The following TEAD1 variants were observed in gnomAD, a reference collection of about 807,000 sequenced individuals.
TEAD1 encodes TEA domain transcription factor 1, also known as transcriptional enhancer factor TEF-1.
A neutral mutation model predicts 54.9 loss-of-function variants in TEAD1; 9 were observed. The observed-to-expected ratio is 0.16, with a 90% CI of 0.10 to 0.29. TEAD1 has a LOEUF of 0.29. Ranked by LOEUF, TEAD1 falls within the 10% of genes least tolerant of loss-of-function variation. The probability of loss-of-function intolerance (pLI) is 1.00; values close to 1 mark genes in which losing one functional copy is unlikely to be tolerated. For missense variants in TEAD1, 387 were observed against 535.9 expected (o/e 0.72, Z 2.74); for synonymous variants, 200 against 187.8 (o/e 1.07, Z -0.53).
chr11:12,899,670 T>C (rs1175435931), intron 9 of TEAD1, among the ~76,000 whole-genome samples: 2 of 152,212 alleles, frequency 1.3e-5, no homozygotes, highest in African/African-American at 2.4e-5. Flanking sequence ...CCCTGTTGTT[T>C]TATAGTATCT....
intron 2 of TEAD1, among the ~76,000 whole-genome samples, chr11:12,721,338 C>T (rs116868666): frequency 6.6e-6 from 1 of 152,052 alleles, no homozygotes; most frequent in African/African-American, 2.4e-5. Flanking sequence ...CTGGCTCTTG[C>T]GAGTGCCTAC....
At position 12,773,864 on chromosome 11, in the gene TEAD1, C is replaced by T. The variant is rs528276773; in HGVS notation, c.202+9430C>T. Among the ~76,000 whole-genome samples, 72 of 152,258 alleles carry T rather than the reference C, an allele frequency of 4.7e-4. 1 individual carries two copies. In the Middle Eastern group the frequency reaches 0.014, roughly 29 times the overall value. On this transcript the variant is annotated intron_variant, in intron 3 of 12. Coordinates refer to ENST00000527636, the MANE Select transcript of TEAD1 (RefSeq NM_021961.6). The stretch of plus-strand genomic sequence containing the variant: ...GGTGTTGAGTCTGAGAACTCATTGC[C>T]TAGCCCTAGGTCCTGAAAATTTTCT...
chr11:12,790,038 C>G (rs1021129215), intron 3 of TEAD1, among the ~76,000 whole-genome samples: 1 of 152,276 alleles, frequency 6.6e-6, no homozygotes, highest in African/African-American at 2.4e-5. Context: ...ATGTATGCTA[C>G]AGGTTTCAGC....
chr11:12,803,882 A>G (rs1946116059), intron 3 of TEAD1, among the ~76,000 whole-genome samples: 1 of 152,204 alleles, frequency 6.6e-6, no homozygotes, highest in Admixed American at 6.5e-5. Context: ...GGTTTATAGG[A>G]CGCCAACACT....
intron 2 of TEAD1, among the ~76,000 whole-genome samples, chr11:12,691,775 A>G (rs947840066): frequency 6.6e-6 from 1 of 152,198 alleles, no homozygotes; most frequent in Admixed American, 6.5e-5. Context: ...TAACCAGGAC[A>G]TGAGAGATTC....
chr11:12,750,483 T>C (rs946338661), intron 2 of TEAD1, among the ~76,000 whole-genome samples: 1 of 152,230 alleles, frequency 6.6e-6, no homozygotes, highest in Admixed American at 6.5e-5. Flanking sequence ...GAAAATACTT[T>C]TGATTTAAAA....
At chr11:12,805,008 A>C (rs1055837397) in intron 3 of TEAD1, among the ~76,000 whole-genome samples, 6 of 152,174 alleles carry the variant, frequency 3.9e-5, no homozygotes, top group Non-Finnish European at 8.8e-5. Context: ...ATAATCTTAA[A>C]AGGCAGTCAC....
intron 3 of TEAD1, among the ~76,000 whole-genome samples, chr11:12,804,288 G>A (rs1946122974): frequency 6.6e-6 from 1 of 152,160 alleles, no homozygotes; most frequent in African/African-American, 2.4e-5. Flanking sequence ...CCCTTAATAT[G>A]GGCAGAGAAG....
intron 9 of TEAD1, among the ~76,000 whole-genome samples, chr11:12,891,334 G>A (rs1484052851): frequency 1.3e-5 from 2 of 152,254 alleles, no homozygotes; most frequent in Non-Finnish European, 2.9e-5. Context: ...GGAACACGAT[G>A]GCTGCATCAG....
chr11:12,743,238 A>C (rs1053863628), intron 2 of TEAD1, among the ~76,000 whole-genome samples: 1 of 152,230 alleles, frequency 6.6e-6, no homozygotes, highest in Non-Finnish European at 1.5e-5. Flanking sequence ...CATACTTCTA[A>C]ATTCAAAGCA....
chr11:12,816,705 C>T lies in TEAD1; in HGVS notation c.203-45545C>T, dbSNP rs1281524733. Reference sequence around the variant, plus strand: ...CAGAGTGAGAGGGATAATTTACACCCTGTGGCTATTTATTTAGCACATCTT... The same window carrying T: ...CAGAGTGAGAGGGATAATTTACACCTTGTGGCTATTTATTTAGCACATCTT... On this transcript the variant is annotated intron_variant, in intron 3 of 12. Transcript: ENST00000527636. Among the ~76,000 whole-genome samples the T allele has an allele frequency of 4.6e-5, 7 of 152,172 alleles. No individual in the cohort carries two copies. In the South Asian group the frequency reaches 8.3e-4, roughly 18 times the overall value.
intron 3 of TEAD1, chr11:12,822,717 A>G (rs1464204548): frequency 1.3e-5 from 2 of 152,290 alleles, no homozygotes; most frequent in African/African-American, 4.8e-5. Flanking sequence ...GATAGTGTGC[A>G]GTAGAGCTCT....
At chr11:12,836,214 A>T (rs1450406164) in intron 3 of TEAD1, among the ~76,000 whole-genome samples, 1 of 152,040 alleles carries the variant, frequency 6.6e-6, no homozygotes, top group Admixed American at 6.6e-5. Context: ...AGGTCAGGAG[A>T]TGAAGACCAT....
chr11:12,816,739 C>G (rs2033908), intron 3 of TEAD1, among the ~76,000 whole-genome samples: 5 of 151,930 alleles, frequency 3.3e-5, no homozygotes, highest in African/African-American at 1.2e-4. Context: ...TTTTGTGTGA[C>G]TCTCCAGTGC....
chr11:12,724,757 C>T (rs1393304110), intron 2 of TEAD1, among the ~76,000 whole-genome samples: 1 of 152,194 alleles, frequency 6.6e-6, no homozygotes, highest in Non-Finnish European at 1.5e-5. Flanking sequence ...GATGGGAATT[C>T]CCATCCTCTC....
rs187062790 is a variant in TEAD1 at position 12,881,985 on chromosome 11, G to T, written c.574+28G>T. On this transcript the variant is annotated intron_variant, in intron 8 of 12. Transcript: ENST00000527636. ...GAGTGTCCCTGAAACTCCTTTTTGG[G>T]AGCACAGCCCCACACAGCTGACAGC... 700 of 1,612,076 alleles carry T rather than the reference G, an allele frequency of 4.3e-4. 6 individuals are homozygous for T. In the Admixed American group the frequency reaches 0.011, roughly 25 times the overall value.
At position 12,698,112 on chromosome 11, in the gene TEAD1, A is replaced by G. The variant is rs117101964; in HGVS notation, c.-55+22551A>G. 7.6e-3 allele frequency among the ~76,000 whole-genome samples: 1,152 copies of G among 152,090 alleles called. 6 individuals are homozygous for G. The highest frequency in any genetic ancestry group is 0.012 in the Non-Finnish European group (823 of 68,012). On this transcript the variant is annotated intron_variant, in intron 2 of 12. Coordinates refer to ENST00000527636, the MANE Select transcript of TEAD1 (RefSeq NM_021961.6). ...TTCTTCTGGTCATCACAGATCTAATAAAAAATAACATGTTCATATGATGCT... is the reference window on the plus strand; with the variant it reads ...TTCTTCTGGTCATCACAGATCTAATGAAAAATAACATGTTCATATGATGCT...
intron 2 of TEAD1, among the ~76,000 whole-genome samples, chr11:12,692,915 A>T (rs1038977896): frequency 6.6e-6 from 1 of 152,066 alleles, no homozygotes; most frequent in Non-Finnish European, 1.5e-5. Context: ...CACCCCACAG[A>T]ACAGCCTGTG....
intron 3 of TEAD1, among the ~76,000 whole-genome samples, chr11:12,772,044 A>G (rs1945322290): frequency 1.3e-5 from 2 of 152,216 alleles, no homozygotes. Context: ...GGCTAGCTGC[A>G]GTCTGGGTCC....
Sources: allele counts gnomAD v4.1 joint callset (sites outside exome capture counted in the v4.1 genomes callset), GRCh38; gene constraint gnomAD v4.1.1; transcripts MANE v1.5; gene names NCBI Gene and HGNC (gene_info 2026-07-23, HGNC 2026-07-21).